Variants in PRDM5 observed in about 807,000 individuals in gnomAD.
PRDM5 encodes the protein PR/SET domain 5, also known as PR domain zinc finger protein 5.
PRDM5 carries 56 observed loss-of-function variants against 81.2 expected under a neutral mutation model. The ratio of observed to expected loss-of-function variants is 0.69; its 90% CI spans 0.56 to 0.86. The LOEUF is 0.86. PRDM5 is among the 40% of genes least tolerant of loss of function. The pLI is 0.00. For missense variants in PRDM5, 697 were observed against 770.1 expected, an observed-to-expected ratio of 0.91 and a Z score of 1.12; for synonymous variants, 267 against 256.4, an observed-to-expected ratio of 1.04 and a Z score of -0.39.
intron 2 of PRDM5, among the ~76,000 whole-genome samples, chr4:120,875,148 A>T (rs560117148): frequency 3.3e-5 from 5 of 152,200 alleles, no homozygotes; most frequent in Admixed American, 3.3e-4. Flanking sequence ...TTCCTGGCCA[A>T]ATTTGGTGAC....
At chr4:120,830,631 T>G (rs980602013) in intron 3 of PRDM5, among the ~76,000 whole-genome samples, 1 of 152,046 alleles carries the variant, frequency 6.6e-6, no homozygotes, top group African/African-American at 2.4e-5. Flanking sequence ...AGGAAAATAA[T>G]GTGAGGCAGA....
At chr4:120,809,030 C>T (rs1187228918) in intron 8 of PRDM5, among the ~76,000 whole-genome samples, 2 of 152,224 alleles carry the variant, frequency 1.3e-5, no homozygotes, top group Non-Finnish European at 1.5e-5. Context: ...CAGCAGTGGG[C>T]TGAAAGGCTC....
At chr4:120,787,747 G>C (rs946969448) in intron 10 of PRDM5, among the ~76,000 whole-genome samples, 2 of 152,128 alleles carry the variant, frequency 1.3e-5, no homozygotes, top group African/African-American at 4.8e-5. Context: ...CAGAAGAGCA[G>C]CAAGAAACAA....
chr4:120,856,795 G>C (rs563931816), intron 2 of PRDM5, among the ~76,000 whole-genome samples: 103 of 152,198 alleles, frequency 6.8e-4, no homozygotes, highest in Non-Finnish European at 1.2e-3. Context: ...ATTCCTCCTA[G>C]TACCATGTTT....
chr4:120,810,939 CT>C (rs1481209536), intron 8 of PRDM5, among the ~76,000 whole-genome samples: 1 of 152,114 alleles, frequency 6.6e-6, no homozygotes, highest in Non-Finnish European at 1.5e-5. Flanking sequence ...TGTCAAATTA[CT>C]TTGTAATACA....
At chr4:120,702,403 C>A (rs1010411800) in intron 15 of PRDM5, among the ~76,000 whole-genome samples, 1 of 152,164 alleles carries the variant, frequency 6.6e-6, no homozygotes, top group African/African-American at 2.4e-5. Flanking sequence ...CCTTAGGAAG[C>A]CCACGTGACA....
chr4:120,836,344 T>C (rs1206592686), intron 3 of PRDM5, among the ~76,000 whole-genome samples: 1 of 152,174 alleles, frequency 6.6e-6, no homozygotes, highest in African/African-American at 2.4e-5. Flanking sequence ...AAATATATCT[T>C]TTATAATATC....
In PRDM5 at chr4:120,858,591, GCA is replaced by G. The variant is rs138957871; in HGVS notation, c.178-5053_178-5052del. 2.7e-5 allele frequency among the ~76,000 whole-genome samples: 4 copies of G among 150,502 alleles called. No homozygotes were observed. The South Asian group carries it at 6.3e-4, about 24-fold the overall frequency. ...AACGCGTGCGTGCGCGCGCACGCAC[GCA>G]CACACACACACACCATTGTAGCTTA... On this transcript the variant is annotated intron_variant, in intron 2 of 15. Coordinates refer to ENST00000264808, the MANE Select transcript of PRDM5 (RefSeq NM_018699.4).
intron 3 of PRDM5, among the ~76,000 whole-genome samples, chr4:120,846,815 A>G (rs1288624653): frequency 1.3e-5 from 2 of 152,186 alleles, no homozygotes; most frequent in Non-Finnish European, 2.9e-5. Flanking sequence ...CAAGAGCTAG[A>G]TCATCTTTTT....
intron 3 of PRDM5, among the ~76,000 whole-genome samples, chr4:120,847,413 G>A (rs746576986): frequency 2.0e-5 from 3 of 152,046 alleles, no homozygotes; most frequent in Non-Finnish European, 4.4e-5. Context: ...ACCCCAGAGA[G>A]AGCCCCAGTT....
rs543711268 is a variant in PRDM5 at position 120,882,192 on chromosome 4, C to T, written c.177+25282G>A. Reference sequence around the variant, plus strand: ...GAGTGTGTCCAGCAAGCCACTGAGACTTGAACCAATGAAGGAAGCATATGG... The same window carrying T: ...GAGTGTGTCCAGCAAGCCACTGAGATTTGAACCAATGAAGGAAGCATATGG... On this transcript the variant is annotated intron_variant, in intron 2 of 15. Coordinates refer to ENST00000264808, the MANE Select transcript of PRDM5 (RefSeq NM_018699.4). Among the ~76,000 whole-genome samples, 5 of 152,308 alleles carry T rather than the reference C, an allele frequency of 3.3e-5. No homozygotes were observed. The East Asian group carries it at 9.7e-4, about 29-fold the overall frequency.
intron 8 of PRDM5, among the ~76,000 whole-genome samples, chr4:120,799,951 C>T (rs1751891221): frequency 6.6e-6 from 1 of 152,122 alleles, no homozygotes; most frequent in Admixed American, 6.5e-5. Context: ...TCTTTTGAGA[C>T]ATAATACTCA....
chr4:120,702,228 T>A (rs1474242022), intron 15 of PRDM5, among the ~76,000 whole-genome samples: 1 of 152,184 alleles, frequency 6.6e-6, no homozygotes, highest in East Asian at 1.9e-4. Context: ...AAAACACAAA[T>A]GTCACAATAT....
At chr4:120,740,990 A>AT (rs1741846426) in intron 14 of PRDM5, among the ~76,000 whole-genome samples, 2 of 152,042 alleles carry the variant, frequency 1.3e-5, no homozygotes, top group Admixed American at 1.3e-4. Context: ...ATGCAGTCAC[A>AT]TTTTTTTCTG....
intron 13 of PRDM5, among the ~76,000 whole-genome samples, chr4:120,769,340 G>T (rs1746891828): frequency 6.6e-6 from 1 of 152,180 alleles, no homozygotes; most frequent in Non-Finnish European, 1.5e-5. Context: ...GGGCAGTGCT[G>T]AGGAGGGTAA....
chr4:120,795,949 T>A (rs1751286722), intron 10 of PRDM5, among the ~76,000 whole-genome samples: 1 of 152,064 alleles, frequency 6.6e-6, no homozygotes, highest in African/African-American at 2.4e-5. Context: ...GCTATCATAA[T>A]CACAATGAAA....
chr4:120,821,849 A>G (rs898666043), intron 3 of PRDM5, among the ~76,000 whole-genome samples: 10 of 152,102 alleles, frequency 6.6e-5, no homozygotes, highest in Non-Finnish European at 1.5e-4. Flanking sequence ...TAGAAAAAAT[A>G]CTAGACATCT....
In PRDM5 at chr4:120,868,966, A is replaced by G. The variant is rs574513242; in HGVS notation, c.178-15426T>C. Among the ~76,000 whole-genome samples the G allele has an allele frequency of 5.8e-4, 88 of 152,318 alleles. 1 individual carries two copies. Among genetic ancestry groups the G allele is most frequent in the Admixed American group, 3.8e-3 (58 of 15,290 alleles). On this transcript the variant is annotated intron_variant, in intron 2 of 15. Coordinates refer to ENST00000264808, the MANE Select transcript of PRDM5 (RefSeq NM_018699.4). ...AAACAACTTGCAAGTCCTGGGCAAT[A>G]TATCAACATAGCCCTCCTTTGGGAT...
chr4:120,803,741 G>A (rs1457307889), intron 8 of PRDM5, among the ~76,000 whole-genome samples: 2 of 152,214 alleles, frequency 1.3e-5, no homozygotes, highest in Admixed American at 6.5e-5. Flanking sequence ...ACCAGCCACT[G>A]CAAAAACATG....
Sources: allele counts gnomAD v4.1 joint callset (sites outside exome capture counted in the v4.1 genomes callset), GRCh38; gene constraint gnomAD v4.1.1; transcripts MANE v1.5; gene names NCBI Gene and HGNC (gene_info 2026-07-23, HGNC 2026-07-21).